The following SLC35A3 variants were observed in gnomAD, a reference collection of about 807,000 sequenced individuals.
The protein encoded by SLC35A3 is UDP-N-acetylglucosamine transporter.
A neutral mutation model predicts 39.0 loss-of-function variants in SLC35A3; 26 were observed. That is an observed-to-expected ratio of 0.67 (90% CI 0.49 to 0.92). SLC35A3 has a LOEUF of 0.92. Ranked by LOEUF, SLC35A3 falls within the 40% of genes least tolerant of loss-of-function variation. The probability of loss-of-function intolerance (pLI) is 0.00; values close to 1 mark genes in which losing one functional copy is unlikely to be tolerated. For synonymous variants in SLC35A3, 135 were observed against 133.1 expected, an observed-to-expected ratio of 1.01 and a Z score of -0.10; for missense variants, 299 against 371.6, an observed-to-expected ratio of 0.80 and a Z score of 1.61.
chr1:99,972,242 C>T (rs754842274), intron 1 of SLC35A3, among the ~76,000 whole-genome samples: 4 of 151,666 alleles, frequency 2.6e-5, no homozygotes, highest in East Asian at 1.9e-4. Flanking sequence ...ATAAATCTTA[C>T]AACACTTGTT....
At chr1:99,987,287 T>G (rs528810012) in intron 1 of SLC35A3, among the ~76,000 whole-genome samples, 2 of 152,380 alleles carry the variant, frequency 1.3e-5, no homozygotes, top group African/African-American at 4.8e-5. Context: ...ATAATTTTAT[T>G]TCACATTGGA....
chr1:100,003,873 A>G (rs1659007075), intron 3 of SLC35A3, among the ~76,000 whole-genome samples: 1 of 152,132 alleles, frequency 6.6e-6, no homozygotes, highest in Non-Finnish European at 1.5e-5. Context: ...TCATGATATA[A>G]TTACCTCTTT....
At chr1:99,997,746 A>G (rs1215731268) in intron 2 of SLC35A3, among the ~76,000 whole-genome samples, 1 of 151,830 alleles carries the variant, frequency 6.6e-6, no homozygotes, top group East Asian at 1.9e-4. Context: ...CACAGGCTTA[A>G]TTTGTAGCAG....
chr1:100,023,014 TG>T lies in SLC35A3; in HGVS notation c.*539del. 2 of 152,650 alleles carry T rather than the reference TG, an allele frequency of 1.3e-5. No homozygotes were observed. Among genetic ancestry groups the T allele is most frequent in the East Asian group, 3.9e-4 (2 of 5,188 alleles). 9.5% of individuals were successfully genotyped at this position (152,650 alleles called of 1,614,324 possible). On this transcript the variant is annotated 3_prime_UTR_variant, in exon 8 of 8. Coordinates refer to ENST00000533028, the MANE Select transcript of SLC35A3 (RefSeq NM_012243.3). ...GATTACTAAATGAAGGATTGCTAAA[TG>T]TTTTTGGTTCAATTACATAAAAATT...
chr1:100,016,093 T>G lies in SLC35A3; in HGVS notation c.753+673T>G, dbSNP rs187958332. 6.4e-3 allele frequency among the ~76,000 whole-genome samples: 906 copies of G among 141,684 alleles called. 4 individuals carry two copies. The highest frequency in any genetic ancestry group is 0.023 in the African/African-American group (872 of 37,742). The allele number at this position is 141,684 out of a possible 152,430, so 93.0% of individuals were successfully genotyped here. ...TTTTTTTTTTTTTTTTGAGACGGAG[T>G]CTAGCTCTGTCACCAGGCTGGAGTG... On this transcript the variant is annotated intron_variant, in intron 6 of 7. Coordinates refer to ENST00000533028, the MANE Select transcript of SLC35A3 (RefSeq NM_012243.3).
In SLC35A3 at chr1:100,033,880, T is replaced by C. The variant is rs543245453; in HGVS notation, c.*11404T>C. On this transcript the variant is annotated 3_prime_UTR_variant, in exon 8 of 8. Transcript: ENST00000533028. The stretch of plus-strand genomic sequence containing the variant: ...CCTACTGATACTTACCTGAAGTCTC[T>C]CTGGTCAACTTTTGGCTGGATGAAG... 6.6e-6 allele frequency: 1 copy of C among 152,338 alleles called. No homozygotes were observed. The highest frequency in any genetic ancestry group is 2.4e-5 in the African/African-American group (1 of 41,572). The allele number at this position is 152,338 out of a possible 1,614,324, so 9.4% of individuals were successfully genotyped here.
chr1:99,998,046 C>T (rs1221921570), intron 2 of SLC35A3, among the ~76,000 whole-genome samples: 1 of 152,002 alleles, frequency 6.6e-6, no homozygotes, highest in Admixed American at 6.6e-5. Context: ...GTCTCAATGT[C>T]GCAGTCAGGG....
chr1:99,986,532 G>A (rs1400776360), intron 1 of SLC35A3, among the ~76,000 whole-genome samples: 1 of 151,810 alleles, frequency 6.6e-6, no homozygotes, highest in Admixed American at 6.6e-5. Flanking sequence ...TTTGGAAATG[G>A]AAATGCAAAA....
Position 100,032,659 on chromosome 1 carries a change from C to T in SLC35A3, c.*10183C>T, listed in dbSNP as rs1449594017. On this transcript the variant is annotated 3_prime_UTR_variant, in exon 8 of 8. Transcript: ENST00000533028. ...CCTCCGGGTTCAAATGATTCTCCTT[C>T]CTCAGCCTCCTGAGTAGCTGGGACT... 1.3e-5 allele frequency: 2 copies of T among 152,192 alleles called. No individual in the cohort carries two copies. The highest frequency in any genetic ancestry group is 2.9e-5 in the Non-Finnish European group (2 of 68,062). 9.4% of individuals were successfully genotyped at this position (152,192 alleles called of 1,614,324 possible).
chr1:99,983,260 G>A (rs1245965180), intron 1 of SLC35A3, among the ~76,000 whole-genome samples: 1 of 152,042 alleles, frequency 6.6e-6, no homozygotes, highest in African/African-American at 2.4e-5. Flanking sequence ...ACGGTTGGGG[G>A]CCAGGCGCGG....
At chr1:99,981,797 TAC>T (rs1490417987) in intron 1 of SLC35A3, among the ~76,000 whole-genome samples, 5 of 151,722 alleles carry the variant, frequency 3.3e-5, no homozygotes, top group Non-Finnish European at 5.9e-5. Context: ...TGAATTTTAG[TAC>T]AGTTTTAAAA....
At chr1:99,990,131 T>A (rs189943572) in intron 1 of SLC35A3, among the ~76,000 whole-genome samples, 2 of 152,328 alleles carry the variant, frequency 1.3e-5, no homozygotes, top group East Asian at 3.9e-4. Flanking sequence ...TCCTAAGAAC[T>A]CTTGGCCTAT....
At position 100,012,394 on chromosome 1, in the gene SLC35A3, A is replaced by G. The variant is rs540144179; in HGVS notation, c.634+861A>G. On this transcript the variant is annotated intron_variant, in intron 5 of 7. Transcript: ENST00000533028. ...AAGACAAATCAGAATTCATGATTCTAATGTGCTTCATGGATTTCTTATTAT... is the reference window on the plus strand; with the variant it reads ...AAGACAAATCAGAATTCATGATTCTGATGTGCTTCATGGATTTCTTATTAT... Among the ~76,000 whole-genome samples the G allele has an allele frequency of 2.6e-5, 4 of 151,946 alleles. No homozygotes were observed. The East Asian group carries it at 7.7e-4, about 29-fold the overall frequency.
At chr1:100,021,337 C>T (rs1660524590) in intron 7 of SLC35A3, among the ~76,000 whole-genome samples, 2 of 151,798 alleles carry the variant, frequency 1.3e-5, no homozygotes, top group African/African-American at 4.8e-5. Context: ...GCACTCCAGC[C>T]TGGGCGACAG....
intron 1 of SLC35A3, among the ~76,000 whole-genome samples, chr1:99,979,828 G>A (rs901480771): frequency 1.3e-5 from 2 of 151,784 alleles, no homozygotes; most frequent in Non-Finnish European, 1.5e-5. Context: ...TGGATCACCC[G>A]AGGTCAGGAG....
intron 5 of SLC35A3, among the ~76,000 whole-genome samples, chr1:100,012,153 G>A (rs567526533): frequency 5.9e-5 from 9 of 151,898 alleles, no homozygotes; most frequent in East Asian, 1.9e-4. Flanking sequence ...GCATGGTGGC[G>A]CGCACCTGTA....
At chr1:99,970,323 TGCTA>T (rs1656725250) in intron 1 of SLC35A3, 161 bp downstream of exon 1, 1 of 553,844 alleles carries the variant, frequency 1.8e-6, no homozygotes, top group Non-Finnish European at 3.2e-6. Context: ...TGAAATACAG[TGCTA>T]GCTAAGTAGG....
rs1170082728 is a variant in SLC35A3, at chr1:100,029,426, A to ATTTTTT, written c.*6967_*6972dup. ...CAATTCTTCTTTTCAGAGACTTTTA[A>ATTTTTT]TTTTTTTTTTTTTTTTTTTTTTGAG... On this transcript the variant is annotated 3_prime_UTR_variant, in exon 8 of 8. Coordinates refer to ENST00000533028, the MANE Select transcript of SLC35A3 (RefSeq NM_012243.3). 7 of 125,566 alleles carry ATTTTTT rather than the reference A, an allele frequency of 5.6e-5. No homozygotes were observed. The highest frequency in any genetic ancestry group is 8.2e-5 in the Non-Finnish European group (5 of 61,032). The allele number at this position is 125,566 out of a possible 1,614,324, so 7.8% of individuals were successfully genotyped here. A position where few individuals can be genotyped will look rare whatever the true frequency, so the allele number is the denominator to read the frequency against.
Position 100,024,778 on chromosome 1 carries a change from C to T in SLC35A3, c.*2302C>T, listed in dbSNP as rs1164242135. 8 of 395,706 alleles carry T rather than the reference C, an allele frequency of 2.0e-5. No individual in the cohort carries two copies. Among genetic ancestry groups the T allele is most frequent in the East Asian group, 3.6e-5 (1 of 27,852 alleles). 24.5% of individuals were successfully genotyped at this position (395,706 alleles called of 1,614,324 possible). ...GATTGCAGGCGTGAGCCACTGCGCC[C>T]GGCCTATACTGTATATATTTTTAAA... On this transcript the variant is annotated 3_prime_UTR_variant, in exon 8 of 8. Transcript: ENST00000533028.
Sources: gnomAD v4.1 joint callset for allele counts (sites outside exome capture counted in the v4.1 genomes callset) on GRCh38, gnomAD v4.1.1 for gene constraint, MANE v1.5 for transcripts, NCBI Gene and HGNC (gene_info 2026-07-23, HGNC 2026-07-21) for gene names.